Variants in THNSL1 observed in about 807,000 individuals in gnomAD.
The protein encoded by THNSL1 is threonine synthase like 1.
In THNSL1, 48 loss-of-function variants were observed where a neutral mutation model predicts 50.4. The observed-to-expected ratio is 0.95, with a 90% CI of 0.76 to 1.21. THNSL1 has a LOEUF of 1.21. THNSL1 is among the 50% of genes most tolerant of loss of function. The probability of loss-of-function intolerance (pLI) is 0.00; values close to 1 mark genes in which losing one functional copy is unlikely to be tolerated. For synonymous variants in THNSL1, 309 were observed against 306.1 expected (o/e 1.01, Z -0.10); for missense variants, 896 against 871.7 (o/e 1.03, Z -0.35).
At chr10:24,963,045 G>C in the THNSL1 span, among the ~76,000 whole-genome samples, 1 of 152,150 alleles carries the variant, frequency 6.6e-6, no homozygotes, top group African/African-American at 2.4e-5. Flanking sequence ...CTAATTCCAA[G>C]ATTGATGTCA....
At chr10:24,994,946 G>A in the THNSL1 span, among the ~76,000 whole-genome samples, 38 of 152,186 alleles carry the variant, frequency 2.5e-4, no homozygotes, top group African/African-American at 7.5e-4. Flanking sequence ...CACTCGAGCC[G>A]GAAGTTGGAA....
Position 25,025,375 on chromosome 10 carries a change from A to G in THNSL1, c.2152A>G (p.Met718Val). 2 of 1,614,266 alleles carry G rather than the reference A, an allele frequency of 1.2e-6. No homozygotes were observed. Among genetic ancestry groups the G allele is most frequent in the African/African-American group, 1.3e-5 (1 of 75,072 alleles). Residue 718 changes from methionine to valine, a missense_variant, in exon 3 of 3, where the codon ATG becomes GTG. Transcript: ENST00000376356. Reference protein sequence around the residue: ...LLERTKQQEKMEYQVCAADMN... With the variant: ...LLERTKQQEKVEYQVCAADMN... ...AGAGAGAACAAAACAGCAAGAGAAG[A>G]TGGAGTACCAGGTCTGTGCAGCTGA...
the THNSL1 span, chr10:24,952,447 C>G: frequency 1.4e-6 from 2 of 1,464,724 alleles, no homozygotes; most frequent in Non-Finnish European, 1.9e-6. This position sits in a 1 kb window ranked among gnomAD's most constrained non-coding sequence, Gnocchi z 5.1. Context: ...CCCCGACGCA[C>G]GGCAAGCATT....
chr10:24,995,897 T>A, the THNSL1 span: 9 of 1,560,162 alleles, frequency 5.8e-6, no homozygotes, highest in Non-Finnish European at 7.8e-6. Context: ...TCTTTGTTAA[T>A]ATTAAACTAC....
chr10:24,973,312 CTAAG>C, the THNSL1 span, among the ~76,000 whole-genome samples: 2 of 151,820 alleles, frequency 1.3e-5, no homozygotes, highest in African/African-American at 4.8e-5. Context: ...GCCTCGTCGA[CTAAG>C]TGAGACCGCT....
chr10:24,952,478 A>G, the THNSL1 span: 8 of 1,537,098 alleles, frequency 5.2e-6, no homozygotes, highest in Non-Finnish European at 7.1e-6. This position sits in a 1 kb window ranked among gnomAD's most constrained non-coding sequence, Gnocchi z 5.1. Flanking sequence ...GCAGGGTGCC[A>G]GGGAGGGAGG....
At chr10:24,956,310 G>T in the THNSL1 span, among the ~76,000 whole-genome samples, 1 of 151,956 alleles carries the variant, frequency 6.6e-6, no homozygotes, top group African/African-American at 2.4e-5. Flanking sequence ...CCTCAAGTAG[G>T]CCCTGGTCAG....
At chr10:24,988,760 C>T in the THNSL1 span, among the ~76,000 whole-genome samples, 1 of 108,190 alleles carries the variant, frequency 9.2e-6, no homozygotes, top group African/African-American at 3.7e-5. Context: ...TTTGGAATCA[C>T]TAGACCAGAT....
At chr10:24,954,656 A>T in the THNSL1 span, among the ~76,000 whole-genome samples, 47 of 152,328 alleles carry the variant, frequency 3.1e-4, no homozygotes, top group East Asian at 7.1e-3. Context: ...GCTCAAGAAC[A>T]TCCTACATAG....
At chr10:24,954,988 A>T in the THNSL1 span, among the ~76,000 whole-genome samples, 1 of 152,334 alleles carries the variant, frequency 6.6e-6, no homozygotes, top group East Asian at 1.9e-4. Flanking sequence ...ATATTGGTAT[A>T]AAGAACTACC....
rs1564350960 is a variant in THNSL1, at chr10:25,025,178, G to A, written c.1955G>A (p.Arg652Lys). 4 of 1,614,162 alleles carry A rather than the reference G, an allele frequency of 2.5e-6. No homozygotes were observed. The highest frequency in any genetic ancestry group is 2.2e-5 in the East Asian group (1 of 44,878). Reference sequence around the variant, plus strand: ...GCTGTTGCAAAAGTGGTTGCAGATAGGGTGCAAGACAAAACTTGCCCTGTG... The same window carrying A: ...GCTGTTGCAAAAGTGGTTGCAGATAAGGTGCAAGACAAAACTTGCCCTGTG... The part of the protein sequence containing the change: ...HTAVAKVVAD[R>K]VQDKTCPVII... Residue 652 changes from arginine (R) to lysine (K), a missense_variant, in exon 3 of 3, where the codon AGG (arginine) becomes AAG (lysine). Arg to Lys is a conservative substitution (Grantham distance 26). Transcript: ENST00000376356.
chr10:24,988,425 T>A, the THNSL1 span, among the ~76,000 whole-genome samples: 2 of 146,002 alleles, frequency 1.4e-5, no homozygotes, highest in South Asian at 4.2e-4. Context: ...TATATATAAG[T>A]AAAATTTATT....
chr10:24,976,311 G>GA, the THNSL1 span, among the ~76,000 whole-genome samples: 5 of 152,116 alleles, frequency 3.3e-5, no homozygotes, highest in African/African-American at 1.2e-4. Flanking sequence ...CTCAGCACTG[G>GA]AAAAATACAA....
the THNSL1 span, among the ~76,000 whole-genome samples, chr10:24,994,100 A>AT: frequency 2.0e-5 from 3 of 152,246 alleles, no homozygotes; most frequent in South Asian, 6.2e-4. Flanking sequence ...TCCTCTGAAA[A>AT]CAGCCTTGAG....
the THNSL1 span, among the ~76,000 whole-genome samples, chr10:25,004,178 T>C: frequency 6.6e-6 from 1 of 152,240 alleles, no homozygotes; most frequent in African/African-American, 2.4e-5. Flanking sequence ...AGTCTATCAC[T>C]GATGGGCATT....
chr10:24,970,157 G>C, the THNSL1 span, among the ~76,000 whole-genome samples: 1 of 152,216 alleles, frequency 6.6e-6, no homozygotes, highest in South Asian at 2.1e-4. Context: ...AAGATGATCT[G>C]TACTCCCATA....
At chr10:24,954,297 G>A in the THNSL1 span, among the ~76,000 whole-genome samples, 1 of 152,096 alleles carries the variant, frequency 6.6e-6, no homozygotes, top group African/African-American at 2.4e-5. Context: ...TGTACCTGCT[G>A]AGAGACACCA....
chr10:24,970,899 C>A, the THNSL1 span, among the ~76,000 whole-genome samples: 1 of 151,998 alleles, frequency 6.6e-6, no homozygotes, highest in Non-Finnish European at 1.5e-5. Context: ...TGGCACCCAC[C>A]TGTAATCTCA....
At chr10:25,005,558 G>C in the THNSL1 span, among the ~76,000 whole-genome samples, 1 of 152,110 alleles carries the variant, frequency 6.6e-6, no homozygotes, top group Admixed American at 6.5e-5. Context: ...ACACTATCGT[G>C]TGGAACTCTG....
Sources: gnomAD v4.1 joint callset for allele counts (sites outside exome capture counted in the v4.1 genomes callset) on GRCh38, gnomAD v4.1.1 for gene constraint, Gnocchi (gnomAD v3.1) non-coding constraint, MANE v1.5 for transcripts, NCBI Gene and HGNC (gene_info 2026-07-23, HGNC 2026-07-21) for gene names.